Variants in ANKLE2 observed in about 807,000 individuals in gnomAD.
ANKLE2 encodes the protein ankyrin repeat and LEM domain-containing protein 2.
A neutral mutation model predicts 84.2 loss-of-function variants in ANKLE2; 55 were observed. That is an observed-to-expected ratio of 0.65 (90% CI 0.53 to 0.82). The LOEUF (loss-of-function observed/expected upper bound fraction) is 0.82. ANKLE2 is among the 40% of genes least tolerant of loss of function. The probability of loss-of-function intolerance (pLI) is 0.00; values close to 1 mark genes in which losing one functional copy is unlikely to be tolerated. For synonymous variants in ANKLE2, 551 were observed against 486.1 expected (o/e 1.13, Z -1.76); for missense variants, 1,238 against 1,201.9 (o/e 1.03, Z -0.44).
At chr12:132,738,405 C>A (rs1200101207) in intron 7 of ANKLE2, 1 of 152,270 alleles carries the variant, frequency 6.6e-6, no homozygotes, top group Admixed American at 6.5e-5. Context: ...CACACACCAC[C>A]TCGTCCTGCT....
chr12:132,743,278 T>C lies in ANKLE2; in HGVS notation c.1231-2A>G, dbSNP rs752443975. The C allele has an allele frequency of 1.3e-6, 2 of 1,596,256 alleles. No individual in the cohort carries two copies. Among genetic ancestry groups the C allele is most frequent in the East Asian group, 2.3e-5 (1 of 44,388 alleles). ...AAAATGCAACGGTGTGTCATAGCCC[T>C]GAAAAAAGGTGCAGAGGAAGTACAA... On this transcript the variant is annotated splice_acceptor_variant, in intron 5 of 12. Transcript: ENST00000357997. LOFTEE classifies it high-confidence loss of function. The surrounding 1 kb of genome is among the most constrained non-coding windows in gnomAD (Gnocchi z 4.1).
chr12:132,729,756 G>A lies in ANKLE2; in HGVS notation c.2406C>T (p.Ser802=). ...SEMSARIAKM[S]LSPSSPRHED... Reference sequence around the variant, plus strand: ...CGTGCCTGGGGCTGCTGGGACTCAAGGACATTTTAGCGATCCTGGCTGACA... The same window carrying A: ...CGTGCCTGGGGCTGCTGGGACTCAAAGACATTTTAGCGATCCTGGCTGACA... Residue 802 remains serine, a synonymous_variant, in exon 11 of 13, where the codon TCC becomes TCT. Transcript: ENST00000357997. The A allele has an allele frequency of 1.9e-6, 3 of 1,612,150 alleles. No homozygotes were observed. Among genetic ancestry groups the A allele is most frequent in the Non-Finnish European group, 2.5e-6 (3 of 1,179,576 alleles).
chr12:132,736,835 A>G, intron 8 of ANKLE2, 58 bp downstream of exon 8: 1 of 1,525,270 alleles, frequency 6.6e-7, no homozygotes, highest in Non-Finnish European at 8.8e-7. Flanking sequence ...TGGAACACCC[A>G]GCAGCACAGT....
chr12:132,729,756 G>T lies in ANKLE2; in HGVS notation c.2406C>A (p.Ser802=). 1 of 1,612,150 alleles carries T rather than the reference G, an allele frequency of 6.2e-7. No individual in the cohort carries two copies. The change falls in exon 11 of 13, where the codon TCC becomes TCA. Residue 802 remains serine, a synonymous_variant. Transcript: ENST00000357997. The part of the protein sequence containing the change: ...SEMSARIAKM[S]LSPSSPRHED... ...CGTGCCTGGGGCTGCTGGGACTCAA[G>T]GACATTTTAGCGATCCTGGCTGACA...
chr12:132,746,221 T>C (rs1593167048), intron 5 of ANKLE2, among the ~76,000 whole-genome samples: 1 of 151,836 alleles, frequency 6.6e-6, no homozygotes, highest in South Asian at 2.1e-4. Context: ...TGGTGGCGGG[T>C]GCCTGTAGTC....
chr12:132,750,668 T>A lies in ANKLE2; in HGVS notation c.822A>T (p.Pro274=). Residue 274 remains proline, a synonymous_variant, in exon 3 of 13, where the codon CCA becomes CCT. Transcript: ENST00000357997. ...CTTTCAACCTGTCATTGCTAAAGAG[T>A]GGAGCTGTTTTCACAGGAGACAGTG... ...SLPLSPVKTA[P]LFSNDRLKDG... is the part of the protein sequence containing the mutation. 1 of 1,614,076 alleles carries A rather than the reference T, an allele frequency of 6.2e-7. No individual in the cohort carries two copies. Among genetic ancestry groups the A allele is most frequent in the Middle Eastern group, 1.6e-4 (1 of 6,062 alleles).
chr12:132,734,875 C>G (rs1446611135), intron 9 of ANKLE2: 1 of 386,890 alleles, frequency 2.6e-6, no homozygotes, highest in African/African-American at 2.1e-5. Flanking sequence ...AGTTCAACTC[C>G]CACAGACGGA....
At chr12:132,741,734 TCTAA>T (rs1289279498) in intron 6 of ANKLE2, 8 of 616,726 alleles carry the variant, frequency 1.3e-5, no homozygotes, top group Non-Finnish European at 2.4e-5. Flanking sequence ...CTCGACATTT[TCTAA>T]CTGTCTGCAA....
chr12:132,752,659 G>A (rs976677540), intron 2 of ANKLE2, among the ~76,000 whole-genome samples: 2 of 152,098 alleles, frequency 1.3e-5, no homozygotes, highest in African/African-American at 4.8e-5. Context: ...GTGAGCCACC[G>A]CGCCCGGCCC....
rs1402133930 is a variant in ANKLE2 at position 132,752,199 on chromosome 12, G to A, written c.641-1350C>T. Among the ~76,000 whole-genome samples the A allele has an allele frequency of 2.6e-5, 4 of 152,166 alleles. No homozygotes were observed. In the East Asian group the frequency reaches 5.8e-4, roughly 22 times the overall value. ...CTACTAAAAATATAAAATTAGCCGG[G>A]CGTGGTGGCACACCCCTGTAGTACT... On this transcript the variant is annotated intron_variant, in intron 2 of 12. Coordinates refer to ENST00000357997, the MANE Select transcript of ANKLE2 (RefSeq NM_015114.3).
At chr12:132,733,465 C>A (rs879038913) in intron 10 of ANKLE2, among the ~76,000 whole-genome samples, 614 of 44,790 alleles carry the variant, frequency 0.014, no homozygotes, top group African/African-American at 0.02. Context: ...TCTGATATAC[C>A]CCGTGTGAAG....
rs757291921 is a variant in ANKLE2 at position 132,728,078 on chromosome 12, T to C, written c.2569A>G (p.Arg857Gly). Reference sequence around the variant, plus strand: ...TAGCACAGGACAGCACTCTTCCATCTGTGCACGGCCGGGAACTGATGGGGG... The same window carrying C: ...TAGCACAGGACAGCACTCTTCCATCCGTGCACGGCCGGGAACTGATGGGGG... ...VDPHQFPAVHRWKSAVLCYSP... is the reference protein window; with the variant it reads ...VDPHQFPAVHGWKSAVLCYSP... Residue 857 changes from arginine (R) to glycine (G), a missense_variant, in exon 12 of 13, where the codon AGA becomes GGA. By Grantham distance (125) the Arg-to-Gly change is moderately radical (BLOSUM62 -2). This residue lies in a region of ANKLE2 where 802 missense variants were observed against 774.5 expected (regional missense o/e 1.04). Coordinates refer to ENST00000357997, the MANE Select transcript of ANKLE2 (RefSeq NM_015114.3). The C allele has an allele frequency of 1.2e-6, 2 of 1,612,890 alleles. No individual in the cohort carries two copies. Among genetic ancestry groups the C allele is most frequent in the South Asian group, 1.1e-5 (1 of 91,086 alleles).
chr12:132,759,994 C>CGTG (rs2044589815), intron 1 of ANKLE2: 1 of 151,892 alleles, frequency 6.6e-6, no homozygotes, highest in African/African-American at 2.4e-5. Flanking sequence ...ATTAGCCGGG[C>CGTG]GTGGTGGCAG....
At position 132,726,121 on chromosome 12, in the gene ANKLE2, A is replaced by G. The variant is rs2136094794; in HGVS notation, c.*1121T>C. 1 of 152,542 alleles carries G rather than the reference A, an allele frequency of 6.6e-6. No individual in the cohort carries two copies. Among genetic ancestry groups the G allele is most frequent in the East Asian group, 1.9e-4 (1 of 5,192 alleles). 9.4% of individuals were successfully genotyped at this position (152,542 alleles called of 1,614,324 possible). ...TTAGCAAAAGCATTGGTGGGTTTTC[A>G]TTTTGGATTAAACACTGGAAATGTT... is the stretch of plus-strand genomic sequence containing the variant. On this transcript the variant is annotated 3_prime_UTR_variant, in exon 13 of 13. Transcript: ENST00000357997.
chr12:132,737,010 C>A lies in ANKLE2; in HGVS notation c.1476G>T (p.Gly492=). The A allele has an allele frequency of 6.2e-7, 1 of 1,613,130 alleles. No individual in the cohort carries two copies. The highest frequency in any genetic ancestry group is 8.5e-7 in the Non-Finnish European group (1 of 1,179,356). Reference sequence around the variant, plus strand: ...CCGTCTGGTCTGGGGACCACAGCTCCCCGATGACTGGAGAAGAAGTCTCTT... The same window carrying A: ...CCGTCTGGTCTGGGGACCACAGCTCACCGATGACTGGAGAAGAAGTCTCTT... ...RAEETSSPVI[G]ELWSPDQTAE... is the part of the protein sequence containing the mutation. The change falls in exon 8 of 13, where the codon GGG becomes GGT. Residue 492 remains glycine (G), a synonymous_variant. Coordinates refer to ENST00000357997, the MANE Select transcript of ANKLE2 (RefSeq NM_015114.3).
intron 2 of ANKLE2, among the ~76,000 whole-genome samples, chr12:132,754,148 A>G (rs1250928241): frequency 6.6e-6 from 1 of 152,154 alleles, no homozygotes; most frequent in Non-Finnish European, 1.5e-5. Flanking sequence ...AGGCTGAGGC[A>G]GGAGAATCGC....
chr12:132,739,947 G>A (rs2044087968), intron 7 of ANKLE2, among the ~76,000 whole-genome samples: 1 of 152,242 alleles, frequency 6.6e-6, no homozygotes, highest in Non-Finnish European at 1.5e-5. Context: ...TCAGCAAACA[G>A]CTGCTGGGGC....
At chr12:132,748,443 C>G in intron 3 of ANKLE2, 112 bp from the exon 4 acceptor site, 1 of 1,216,252 alleles carries the variant, frequency 8.2e-7, no homozygotes, top group Non-Finnish European at 1.2e-6. Flanking sequence ...TCTGGGCCAA[C>G]TGGGAGGCAC....
At chr12:132,733,536 T>C (rs1315803273) in intron 10 of ANKLE2, among the ~76,000 whole-genome samples, 3 of 148,548 alleles carry the variant, frequency 2.0e-5, no homozygotes, top group Admixed American at 6.7e-5. Flanking sequence ...TGGTGCCTGA[T>C]ATGCACCGTG....
Sources: gnomAD v4.1 joint callset for allele counts (sites outside exome capture counted in the v4.1 genomes callset) on GRCh38, gnomAD v4.1.1 for gene constraint, gnomAD v4.1.1 regional missense constraint, Gnocchi (gnomAD v3.1) non-coding constraint, MANE v1.5 for transcripts, NCBI Gene and HGNC (gene_info 2026-07-23, HGNC 2026-07-21) for gene names.